PLEKHB2: variants seen among roughly 807,000 people sequenced by gnomAD.
The protein encoded by PLEKHB2 is pleckstrin homology domain-containing family B member 2.
Under a neutral mutation model 36.5 loss-of-function variants are expected in PLEKHB2, and 31 were observed. That is an observed-to-expected ratio of 0.85 (90% confidence interval 0.64 to 1.15). The LOEUF is 1.15. Ranked by LOEUF, PLEKHB2 falls within the 50% of genes most tolerant of loss-of-function variation. The pLI is 0.00. For missense variants in PLEKHB2, 262 were observed against 295.3 expected (o/e 0.89, Z 0.83); for synonymous variants, 119 against 112.0 (o/e 1.06, Z -0.39).
chr2:131,117,791 T>C (rs1696043101), intron 1 of PLEKHB2, among the ~76,000 whole-genome samples: 1 of 152,204 alleles, frequency 6.6e-6, no homozygotes, highest in Non-Finnish European at 1.5e-5. Context: ...TCCTTCCTTT[T>C]TGTTTCGCCT....
At chr2:131,141,667 A>T (rs1021659041) in intron 7 of PLEKHB2, among the ~76,000 whole-genome samples, 23 of 151,108 alleles carry the variant, frequency 1.5e-4, no homozygotes, top group African/African-American at 5.3e-4. Flanking sequence ...AAAAGTAATT[A>T]TGACAGATTA....
chr2:131,115,685 G>GGACC (rs1695803855), intron 1 of PLEKHB2, among the ~76,000 whole-genome samples: 1 of 152,036 alleles, frequency 6.6e-6, no homozygotes, highest in Non-Finnish European at 1.5e-5. Context: ...ACATTCTACT[G>GGACC]TAATATATCT....
intron 5 of PLEKHB2, among the ~76,000 whole-genome samples, chr2:131,131,841 A>ATT (rs923033263): frequency 7.9e-6 from 1 of 126,660 alleles, no homozygotes; most frequent in Non-Finnish European, 1.7e-5. Context: ...CTTTGTGTGG[A>ATT]TTTTTTTTTT....
At chr2:131,129,559 C>T (rs1224390205) in intron 4 of PLEKHB2, among the ~76,000 whole-genome samples, 4 of 152,040 alleles carry the variant, frequency 2.6e-5, no homozygotes, top group African/African-American at 7.2e-5. Flanking sequence ...GGCTAGAGTG[C>T]AATGGTATAA....
intron 1 of PLEKHB2, among the ~76,000 whole-genome samples, chr2:131,113,931 C>G (rs1695589898): frequency 6.6e-6 from 1 of 152,100 alleles, no homozygotes; most frequent in Admixed American, 6.6e-5. Context: ...TCTCTCTTAC[C>G]CCCAATTTCT....
At chr2:131,112,535 A>C (rs577344021) in intron 1 of PLEKHB2, among the ~76,000 whole-genome samples, 327 of 152,342 alleles carry the variant, frequency 2.1e-3, no homozygotes, top group Non-Finnish European at 3.5e-3. Context: ...TGAGGACAGC[A>C]ACCTGGGAAG....
chr2:131,142,435 T>C (rs1341486641), intron 7 of PLEKHB2, among the ~76,000 whole-genome samples: 1 of 152,178 alleles, frequency 6.6e-6, no homozygotes, highest in Non-Finnish European at 1.5e-5. Flanking sequence ...TCATATTGGG[T>C]GATGTATTAT....
chr2:131,126,634 G>C lies in PLEKHB2; in HGVS notation c.191-50G>C, dbSNP rs115354146. 6 of 1,049,482 alleles carry C rather than the reference G, an allele frequency of 5.7e-6. No individual in the cohort carries two copies. The South Asian group carries it at 7.6e-5, about 13-fold the overall frequency. 65.0% of individuals were successfully genotyped at this position (1,049,482 alleles called of 1,614,324 possible). On this transcript the variant is annotated intron_variant, in intron 3 of 7. Transcript: ENST00000693505. ...TCTGAGCTGGTAGTTCTTAGAAAAT[G>C]TAAGAAGAAATCCTGAAAAAAGTTC...
At chr2:131,132,873 C>G in intron 5 of PLEKHB2, 29 bp from the exon 6 acceptor site, 2 of 1,308,302 alleles carry the variant, frequency 1.5e-6, no homozygotes, top group Non-Finnish European at 2.2e-6. Context: ...GGAAGCTGTC[C>G]TGTCCTCACC....
intron 6 of PLEKHB2, among the ~76,000 whole-genome samples, chr2:131,135,633 G>C (rs1317033815): frequency 6.6e-6 from 1 of 151,540 alleles, no homozygotes; most frequent in East Asian, 2.0e-4. Flanking sequence ...ATGGAGTCTC[G>C]CTCTGTCACC....
intron 2 of PLEKHB2, among the ~76,000 whole-genome samples, chr2:131,121,985 G>A (rs939682775): frequency 6.6e-6 from 1 of 152,008 alleles, no homozygotes; most frequent in East Asian, 1.9e-4. Context: ...TGCAACCTCC[G>A]CCTCCCAGGT....
intron 1 of PLEKHB2, among the ~76,000 whole-genome samples, chr2:131,117,740 T>C (rs550622912): frequency 3.8e-4 from 57 of 150,608 alleles, no homozygotes; most frequent in African/African-American, 1.4e-3. Context: ...GTGTTCTGGG[T>C]TAATAACCCC....
At chr2:131,125,236 G>A (rs1471345186) in intron 2 of PLEKHB2, among the ~76,000 whole-genome samples, 1 of 152,254 alleles carries the variant, frequency 6.6e-6, no homozygotes, top group African/African-American at 2.4e-5. Flanking sequence ...AGTACTGTAT[G>A]AGGAATTAAA....
chr2:131,115,724 C>T (rs1212624372), intron 1 of PLEKHB2, among the ~76,000 whole-genome samples: 3 of 152,110 alleles, frequency 2.0e-5, no homozygotes, highest in African/African-American at 7.2e-5. Flanking sequence ...CCCAGGGTAC[C>T]TTTCAGCCTT....
chr2:131,126,876 T>C, intron 4 of PLEKHB2, 90 bp downstream of exon 4: 1 of 755,084 alleles, frequency 1.3e-6, no homozygotes, highest in South Asian at 1.6e-5. Flanking sequence ...GGGCGTGGAG[T>C]TTTCTTTCAG....
chr2:131,118,632 G>GAGGC (rs1301893342), intron 1 of PLEKHB2, among the ~76,000 whole-genome samples: 5 of 151,832 alleles, frequency 3.3e-5, no homozygotes, highest in African/African-American at 4.8e-5. Flanking sequence ...TTGGGAGACC[G>GAGGC]AGGTGGGCAT....
At chr2:131,125,679 G>C in intron 2 of PLEKHB2, 74 bp from the exon 3 acceptor site, 10 of 1,273,534 alleles carry the variant, frequency 7.9e-6, no homozygotes, top group African/African-American at 1.5e-5. Context: ...AATAGCCACT[G>C]CATTCCAACT....
At chr2:131,126,306 T>A (rs929416490) in intron 3 of PLEKHB2, among the ~76,000 whole-genome samples, 1 of 152,048 alleles carries the variant, frequency 6.6e-6, no homozygotes, top group Non-Finnish European at 1.5e-5. Flanking sequence ...GGTGGGTGGA[T>A]CACGAGGGCA....
In PLEKHB2 at chr2:131,146,938, A is replaced by C. The variant is rs1363700875; in HGVS notation, c.*165A>C. The C allele has an allele frequency of 1.7e-6, 1 of 594,220 alleles. No homozygotes were observed. Among genetic ancestry groups the C allele is most frequent in the African/African-American group, 1.9e-5 (1 of 53,172 alleles). 36.8% of individuals were successfully genotyped at this position (594,220 alleles called of 1,614,324 possible). Reference sequence around the variant, plus strand: ...CTAATCCACATAAGTACCACAGAGAAGGGTTTGAACTGTGCTATTTTGTTC... The same window carrying C: ...CTAATCCACATAAGTACCACAGAGACGGGTTTGAACTGTGCTATTTTGTTC... On this transcript the variant is annotated 3_prime_UTR_variant, in exon 8 of 8. Coordinates refer to ENST00000693505, the MANE Select transcript of PLEKHB2 (RefSeq NM_001100623.2).
Sources: gnomAD v4.1 joint callset for allele counts (sites outside exome capture counted in the v4.1 genomes callset) on GRCh38, gnomAD v4.1.1 for gene constraint, MANE v1.5 for transcripts, NCBI Gene and HGNC (gene_info 2026-07-23, HGNC 2026-07-21) for gene names.